The following SLC49A4 variants were observed in gnomAD, a reference collection of about 807,000 sequenced individuals.
SLC49A4 encodes solute carrier family 49 member 4.
In SLC49A4, 36 loss-of-function variants were observed where a neutral mutation model predicts 50.6. That is an observed-to-expected ratio of 0.71 (90% CI 0.55 to 0.94). The LOEUF is 0.94. Among genes scored for constraint, SLC49A4 ranks in the 40% least tolerant of loss-of-function variants. SLC49A4 has a pLI of 0.00. For missense variants in SLC49A4, 503 were observed against 605.7 expected (o/e 0.83, Z 1.78); for synonymous variants, 248 against 241.2 (o/e 1.03, Z -0.26).
At chr3:122,800,557 CCTAACAGTT>C (rs57052548) in intron 1 of SLC49A4, among the ~76,000 whole-genome samples, 6,378 of 152,050 alleles carry the variant, frequency 0.042, 435 homozygotes, top group African/African-American at 0.14. Context: ...AATGCAGCAT[CCTAACAGTT>C]CTATAAAAAG....
chr3:122,835,229 C>G (rs1417558173), intron 4 of SLC49A4, among the ~76,000 whole-genome samples: 1 of 151,918 alleles, frequency 6.6e-6, no homozygotes, highest in Non-Finnish European at 1.5e-5. Flanking sequence ...CACCCTGATA[C>G]CAAAACCAGA....
chr3:122,870,606 C>T (rs1243237386), intron 7 of SLC49A4, among the ~76,000 whole-genome samples: 2 of 149,892 alleles, frequency 1.3e-5, no homozygotes, highest in Non-Finnish European at 3.0e-5. Flanking sequence ...GTCAGGAGTT[C>T]GAGACCAGCC....
chr3:122,814,570 A>G (rs1378299787), intron 2 of SLC49A4, among the ~76,000 whole-genome samples: 3 of 152,206 alleles, frequency 2.0e-5, no homozygotes, highest in African/African-American at 4.8e-5. Flanking sequence ...CAGCATATGT[A>G]TATGTTAGTA....
intron 8 of SLC49A4, among the ~76,000 whole-genome samples, chr3:122,873,716 G>T (rs1937224836): frequency 6.6e-6 from 1 of 152,192 alleles, no homozygotes. Context: ...AAGTCAGAAG[G>T]CCACTCTTTG....
intron 4 of SLC49A4, among the ~76,000 whole-genome samples, chr3:122,841,135 A>G (rs1936764274): frequency 6.6e-6 from 1 of 152,152 alleles, no homozygotes; most frequent in African/African-American, 2.4e-5. Context: ...CAGGCAACTA[A>G]TTTTCTTGAT....
At chr3:122,837,224 A>T (rs1411436473) in intron 4 of SLC49A4, among the ~76,000 whole-genome samples, 1 of 152,338 alleles carries the variant, frequency 6.6e-6, no homozygotes, top group South Asian at 2.1e-4. Flanking sequence ...TAAAGTTCAT[A>T]TGGAACCAAA....
chr3:122,808,421 A>G (rs1406435584), intron 2 of SLC49A4, among the ~76,000 whole-genome samples: 1 of 152,212 alleles, frequency 6.6e-6, no homozygotes, highest in Non-Finnish European at 1.5e-5. Context: ...TAAAAACCTG[A>G]CAGAAGTAAT....
chr3:122,805,509 A>C (rs1053110284), intron 1 of SLC49A4, among the ~76,000 whole-genome samples: 1 of 152,024 alleles, frequency 6.6e-6, no homozygotes, highest in African/African-American at 2.4e-5. Context: ...GAGAGGAGAG[A>C]GCCCTGGAAA....
rs566055704 is a variant in SLC49A4 at position 122,827,922 on chromosome 3, A to C, written c.703+857A>C. 3.6e-4 allele frequency among the ~76,000 whole-genome samples: 55 copies of C among 152,340 alleles called. 1 individual carries two copies. Among genetic ancestry groups the C allele is most frequent in the African/African-American group, 1.3e-3 (55 of 41,578 alleles). ...TTTGTAGGAGTTCACCAAGTGTTTG[A>C]GTGGTTAGTGTATTCCATACAGAGG... On this transcript the variant is annotated intron_variant, in intron 3 of 8. Transcript: ENST00000261038.
At chr3:122,866,595 T>G (rs955033626) in intron 7 of SLC49A4, among the ~76,000 whole-genome samples, 1 of 152,210 alleles carries the variant, frequency 6.6e-6, no homozygotes, top group African/African-American at 2.4e-5. Flanking sequence ...ATAACTGACT[T>G]GGAGCAACAT....
intron 2 of SLC49A4, among the ~76,000 whole-genome samples, chr3:122,816,789 C>A (rs975461326): frequency 1.5e-4 from 23 of 152,144 alleles, no homozygotes; most frequent in African/African-American, 4.8e-4. Flanking sequence ...GCACAGTGGT[C>A]ACATTGCACC....
At chr3:122,828,603 C>G (rs767070941) in intron 3 of SLC49A4, among the ~76,000 whole-genome samples, 2 of 152,050 alleles carry the variant, frequency 1.3e-5, no homozygotes, top group Non-Finnish European at 2.9e-5. Flanking sequence ...TAAGGTTCAC[C>G]ACATTGTAGG....
At position 122,879,652 on chromosome 3, in the gene SLC49A4, T is replaced by C; in HGVS notation, c.*274T>C. The C allele has an allele frequency of 3.7e-6, 1 of 272,118 alleles. No individual in the cohort carries two copies. The highest frequency in any genetic ancestry group is 6.9e-6 in the Non-Finnish European group (1 of 145,470). 16.9% of individuals were successfully genotyped at this position (272,118 alleles called of 1,614,324 possible). A position where few individuals can be genotyped will look rare whatever the true frequency, so the allele number is the denominator to read the frequency against. ...GTGTGACTTCTTACACATAAAGCAC[T>C]ACCTAAGTAATTCTCTCTCTGTTTT... On this transcript the variant is annotated 3_prime_UTR_variant, in exon 9 of 9. Transcript: ENST00000261038.
intron 4 of SLC49A4, among the ~76,000 whole-genome samples, chr3:122,841,710 G>A (rs1936772418): frequency 6.6e-6 from 1 of 152,144 alleles, no homozygotes; most frequent in Non-Finnish European, 1.5e-5. Context: ...AACTAATTCA[G>A]TGAGGTGACA....
chr3:122,834,985 T>A, intron 4 of SLC49A4, among the ~76,000 whole-genome samples: 1 of 152,058 alleles, frequency 6.6e-6, no homozygotes, highest in Non-Finnish European at 1.5e-5. Context: ...CATACAACCC[T>A]CCTAGATTAA....
chr3:122,826,647 A>G (rs9853452), intron 2 of SLC49A4, among the ~76,000 whole-genome samples, 153 bp from the exon 3 acceptor site: 64,962 of 152,036 alleles, frequency 0.43, 15,253 homozygotes, highest in South Asian at 0.55. Flanking sequence ...CCTGTTTTAG[A>G]AGGTAAATCA....
chr3:122,846,421 A>T (rs1272858557), intron 5 of SLC49A4, among the ~76,000 whole-genome samples: 1 of 152,210 alleles, frequency 6.6e-6, no homozygotes, highest in Non-Finnish European at 1.5e-5. Context: ...AAAAAAAAAA[A>T]AATTTGTCTA....
chr3:122,804,720 A>G (rs557268892), intron 1 of SLC49A4, among the ~76,000 whole-genome samples: 11 of 152,334 alleles, frequency 7.2e-5, no homozygotes, highest in African/African-American at 2.6e-4. Flanking sequence ...CCTGGCTTCA[A>G]GGGATCCTCC....
At chr3:122,820,152 A>G (rs1034522311) in intron 2 of SLC49A4, among the ~76,000 whole-genome samples, 55 of 152,164 alleles carry the variant, frequency 3.6e-4, no homozygotes, top group Non-Finnish European at 7.6e-4. Flanking sequence ...GGATTTAAGG[A>G]ACATTGGATT....
Sources: gnomAD v4.1 joint callset for allele counts (sites outside exome capture counted in the v4.1 genomes callset) on GRCh38, gnomAD v4.1.1 for gene constraint, MANE v1.5 for transcripts, NCBI Gene and HGNC (gene_info 2026-07-23, HGNC 2026-07-21) for gene names.